SPIDR: variants seen among roughly 807,000 people sequenced by gnomAD.
SPIDR encodes scaffold protein involved in DNA repair.
A neutral mutation model predicts 104.6 loss-of-function variants in SPIDR; 93 were observed. The ratio of observed to expected loss-of-function variants is 0.89; its 90% CI spans 0.75 to 1.06. SPIDR has a LOEUF of 1.06. Ranked by LOEUF, SPIDR falls within the 50% of genes least tolerant of loss-of-function variation. SPIDR has a pLI of 0.00. For synonymous variants in SPIDR, 431 were observed against 416.9 expected (o/e 1.03, Z -0.41); for missense variants, 1,154 against 1,111.2 (o/e 1.04, Z -0.55).
chr8:47,592,807 T>G (rs1410243248), intron 8 of SPIDR, among the ~76,000 whole-genome samples: 1 of 152,250 alleles, frequency 6.6e-6, no homozygotes, highest in East Asian at 1.9e-4. Context: ...GGAAAGCCTC[T>G]TGTATGTACC....
intron 7 of SPIDR, among the ~76,000 whole-genome samples, chr8:47,425,230 G>A (rs1554683866): frequency 6.6e-6 from 1 of 152,072 alleles, no homozygotes; most frequent in African/African-American, 2.4e-5. Flanking sequence ...GGAAGTGAGG[G>A]TCACAGGTAC....
chr8:47,648,996 G>C (rs2071091312), intron 10 of SPIDR, among the ~76,000 whole-genome samples: 1 of 152,160 alleles, frequency 6.6e-6, no homozygotes, highest in South Asian at 2.1e-4. Flanking sequence ...TTATAGTTGA[G>C]AAGCCTGACG....
intron 17 of SPIDR, chr8:47,728,666 C>A: frequency 6.1e-6 from 2 of 330,372 alleles, no homozygotes; most frequent in Non-Finnish European, 5.6e-6. Context: ...AGGCCCTGAC[C>A]TCCCTTCCTG....
At chr8:47,488,595 A>G (rs183479543) in intron 8 of SPIDR, among the ~76,000 whole-genome samples, 2 of 152,336 alleles carry the variant, frequency 1.3e-5, no homozygotes, top group East Asian at 1.9e-4. Flanking sequence ...TGATTCAAAA[A>G]TCCTCAGTAA....
At chr8:47,595,638 C>T (rs2061555936) in intron 8 of SPIDR, among the ~76,000 whole-genome samples, 173 bp from the exon 9 acceptor site, 1 of 152,210 alleles carries the variant, frequency 6.6e-6, no homozygotes, top group Non-Finnish European at 1.5e-5. Context: ...ACAGTGAAGT[C>T]AGACTACTGG....
intron 8 of SPIDR, among the ~76,000 whole-genome samples, chr8:47,506,531 A>G (rs1035361660): frequency 6.6e-6 from 1 of 152,184 alleles, no homozygotes; most frequent in African/African-American, 2.4e-5. Context: ...AATATCACCA[A>G]TAGACCCTAT....
At chr8:47,608,351 CA>C (rs1228880438) in intron 10 of SPIDR, among the ~76,000 whole-genome samples, 1 of 152,164 alleles carries the variant, frequency 6.6e-6, no homozygotes, top group African/African-American at 2.4e-5. Context: ...TGAGTTGATG[CA>C]CATCTGAGTT....
At chr8:47,707,274 C>A (rs891913890) in intron 14 of SPIDR, among the ~76,000 whole-genome samples, 3 of 147,392 alleles carry the variant, frequency 2.0e-5, no homozygotes, top group Non-Finnish European at 4.5e-5. Flanking sequence ...AAAAAAAATT[C>A]ATTAAAGAAA....
chr8:47,498,565 A>G (rs1213556642), intron 8 of SPIDR, among the ~76,000 whole-genome samples: 2 of 152,172 alleles, frequency 1.3e-5, no homozygotes, highest in Non-Finnish European at 2.9e-5. Context: ...CTGTATTCTG[A>G]CTATAAAAAT....
intron 8 of SPIDR, among the ~76,000 whole-genome samples, chr8:47,521,065 A>G (rs558900887): frequency 8.5e-5 from 13 of 152,324 alleles, no homozygotes; most frequent in South Asian, 2.1e-4. Context: ...TTGAGAATGA[A>G]TGTTGGATCC....
chr8:47,641,358 T>C (rs2154447160), intron 10 of SPIDR, among the ~76,000 whole-genome samples: 1 of 152,160 alleles, frequency 6.6e-6, no homozygotes, highest in East Asian at 1.9e-4. Context: ...TCTGTACTAC[T>C]TGCTATATCC....
chr8:47,733,847 C>G lies in SPIDR; in HGVS notation c.2605-1460C>G, dbSNP rs530112127. On this transcript the variant is annotated intron_variant, in intron 19 of 19. Coordinates refer to ENST00000297423, the MANE Select transcript of SPIDR (RefSeq NM_001080394.4). ...GTTCCTTCTCTTTGCCTGTCTTGACCAGTGACACCCACTTCCCCCATCACT... is the reference window on the plus strand; with the variant it reads ...GTTCCTTCTCTTTGCCTGTCTTGACGAGTGACACCCACTTCCCCCATCACT... Among the ~76,000 whole-genome samples the G allele has an allele frequency of 2.0e-5, 3 of 152,222 alleles. No individual in the cohort carries two copies. The South Asian group carries it at 6.3e-4, about 32-fold the overall frequency.
At chr8:47,323,242 G>A (rs2047082583) in intron 5 of SPIDR, among the ~76,000 whole-genome samples, 2 of 152,204 alleles carry the variant, frequency 1.3e-5, no homozygotes, top group South Asian at 2.1e-4. Flanking sequence ...ATTTCTGGTC[G>A]AAATTTGCAT....
In SPIDR at chr8:47,403,628, A is replaced by G. The variant is rs868932393; in HGVS notation, c.777-4233A>G. ...TTGCTTCAAAAAGAATAAAATACCT[A>G]GGAATCCAACTTACAAGGGATGTGA... is the stretch of plus-strand genomic sequence containing the variant. On this transcript the variant is annotated intron_variant, in intron 6 of 19. Transcript: ENST00000297423. 5.2e-4 allele frequency among the ~76,000 whole-genome samples: 79 copies of G among 152,326 alleles called. 1 individual carries two copies. Among genetic ancestry groups the G allele is most frequent in the Admixed American group, 1.7e-3 (26 of 15,298 alleles).
At chr8:47,469,688 C>G (rs782674473) in intron 8 of SPIDR, among the ~76,000 whole-genome samples, 2 of 152,016 alleles carry the variant, frequency 1.3e-5, no homozygotes, top group Non-Finnish European at 2.9e-5. Context: ...CATTGACACA[C>G]AGAGAGGAAC....
At chr8:47,414,720 C>T (rs932175820) in intron 7 of SPIDR, among the ~76,000 whole-genome samples, 5 of 152,222 alleles carry the variant, frequency 3.3e-5, no homozygotes, top group Admixed American at 2.0e-4. Context: ...TTTAACTGTT[C>T]GTTGACTGAA....
At chr8:47,423,759 A>G (rs2065963774) in intron 7 of SPIDR, among the ~76,000 whole-genome samples, 1 of 152,214 alleles carries the variant, frequency 6.6e-6, no homozygotes, top group Non-Finnish European at 1.5e-5. Context: ...TTCACTTCCA[A>G]GGTAGTGCCT....
intron 10 of SPIDR, chr8:47,667,996 T>C (rs1056533999): frequency 6.6e-6 from 1 of 152,122 alleles, no homozygotes; most frequent in Admixed American, 6.5e-5. Flanking sequence ...TACCAAAATA[T>C]CTTAAGAAAA....
chr8:47,654,352 G>A lies in SPIDR; in HGVS notation c.1545-19449G>A, dbSNP rs908593775. On this transcript the variant is annotated intron_variant, in intron 10 of 19. Coordinates refer to ENST00000297423, the MANE Select transcript of SPIDR (RefSeq NM_001080394.4). ...GAGGAGAATATTAAAAAGGTGATGC[G>A]GAGGGAAAATAGACAGGTTACAGCA... 8.5e-5 allele frequency among the ~76,000 whole-genome samples: 13 copies of A among 152,268 alleles called. 1 individual carries two copies. Among genetic ancestry groups the A allele is most frequent in the African/African-American group, 7.2e-5 (3 of 41,564 alleles).
Sources: allele counts gnomAD v4.1 joint callset (sites outside exome capture counted in the v4.1 genomes callset), GRCh38; gene constraint gnomAD v4.1.1; transcripts MANE v1.5; gene names NCBI Gene and HGNC (gene_info 2026-07-23, HGNC 2026-07-21).